Variants in CAMK1D observed in about 807,000 individuals in gnomAD.
CAMK1D encodes calcium/calmodulin-dependent protein kinase type 1D.
Under a neutral mutation model 47.7 loss-of-function variants are expected in CAMK1D, and 9 were observed. The observed-to-expected ratio is 0.19, with a 90% CI of 0.11 to 0.33. The LOEUF is 0.33. Ranked by LOEUF, CAMK1D falls within the 10% of genes least tolerant of loss-of-function variation. The pLI is 1.00. For missense variants in CAMK1D, 291 were observed against 488.7 expected (o/e 0.60, Z 3.81); for synonymous variants, 184 against 184.9 (o/e 0.99, Z 0.04).
chr10:12,439,725 A>G (rs1832730064), intron 1 of CAMK1D, among the ~76,000 whole-genome samples: 1 of 152,254 alleles, frequency 6.6e-6, no homozygotes, highest in African/African-American at 2.4e-5. Context: ...ATAAAATGGG[A>G]AAGACCTTAG....
intron 3 of CAMK1D, among the ~76,000 whole-genome samples, chr10:12,721,180 T>C (rs1834357150): frequency 6.6e-6 from 1 of 152,264 alleles, no homozygotes; most frequent in African/African-American, 2.4e-5. Context: ...CAGAATAGCG[T>C]GGCCGTTAGT....
At chr10:12,455,730 G>A (rs1383002027) in intron 1 of CAMK1D, among the ~76,000 whole-genome samples, 1 of 152,144 alleles carries the variant, frequency 6.6e-6, no homozygotes, top group Non-Finnish European at 1.5e-5. Context: ...CCATGTCTTT[G>A]GTGGATGGAG....
chr10:12,793,014 C>T (rs893810479), intron 6 of CAMK1D, among the ~76,000 whole-genome samples: 5 of 151,818 alleles, frequency 3.3e-5, no homozygotes, highest in South Asian at 2.1e-4. Context: ...ACCATTTTCT[C>T]GGGGGGTGTG....
At chr10:12,673,902 T>A (rs965610444) in intron 3 of CAMK1D, among the ~76,000 whole-genome samples, 3 of 152,214 alleles carry the variant, frequency 2.0e-5, no homozygotes, top group African/African-American at 7.2e-5. Context: ...TTGGCAAGGC[T>A]CAGTGGTTTA....
Position 12,831,669 on chromosome 10 carries a change from G to A in CAMK1D, c.*2782G>A, listed in dbSNP as rs1833421108. On this transcript the variant is annotated 3_prime_UTR_variant, in exon 11 of 11. Transcript: ENST00000619168. ...ACACGCCGGGTCTCAACAACATCGT[G>A]CGAGGAGACAGTGACTGGTTTCAGC... 6.6e-6 allele frequency: 1 copy of A among 152,206 alleles called. No homozygotes were observed. The allele number at this position is 152,206 out of a possible 1,614,324, so 9.4% of individuals were successfully genotyped here.
chr10:12,431,844 A>G (rs981885031), intron 1 of CAMK1D, among the ~76,000 whole-genome samples: 2 of 152,170 alleles, frequency 1.3e-5, no homozygotes, highest in African/African-American at 4.8e-5. Context: ...TCCGCAGAGG[A>G]TTTGAGGATG....
intron 2 of CAMK1D, among the ~76,000 whole-genome samples, chr10:12,606,661 C>T (rs1051494426): frequency 6.6e-6 from 1 of 152,168 alleles, no homozygotes; most frequent in South Asian, 2.1e-4. Flanking sequence ...GGCTCTCATG[C>T]GTTGATCCCT....
At chr10:12,696,215 GA>G (rs1833289924) in intron 3 of CAMK1D, among the ~76,000 whole-genome samples, 1 of 151,926 alleles carries the variant, frequency 6.6e-6, no homozygotes, top group African/African-American at 2.4e-5. Context: ...CCTGGGGTGG[GA>G]AAAAACTTAA....
chr10:12,694,146 ATATAT>A (rs1396526904), intron 3 of CAMK1D, among the ~76,000 whole-genome samples: 195 of 5,506 alleles, frequency 0.035, 52 homozygotes, highest in South Asian at 0.06. Flanking sequence ...ATATAATATA[ATATAT>A]AATATATATT....
At chr10:12,562,574 T>C (rs962302800) in intron 2 of CAMK1D, among the ~76,000 whole-genome samples, 1 of 152,198 alleles carries the variant, frequency 6.6e-6, no homozygotes, top group African/African-American at 2.4e-5. Context: ...TCTACCTCTT[T>C]GGTTTTCATC....
intron 8 of CAMK1D, among the ~76,000 whole-genome samples, chr10:12,824,032 G>T (rs953346238): frequency 9.9e-5 from 15 of 152,078 alleles, no homozygotes; most frequent in Non-Finnish European, 2.9e-5. Context: ...CTGGTGCTGA[G>T]ACCAGTTGGG....
chr10:12,614,566 A>G (rs1838724452), intron 2 of CAMK1D, among the ~76,000 whole-genome samples: 1 of 152,238 alleles, frequency 6.6e-6, no homozygotes, highest in African/African-American at 2.4e-5. Flanking sequence ...TTGAATGGGC[A>G]ATTGAAATAA....
intron 3 of CAMK1D, among the ~76,000 whole-genome samples, chr10:12,688,481 G>A (rs7909538): frequency 0.058 from 8,776 of 152,152 alleles, 747 homozygotes; most frequent in African/African-American, 0.19. Context: ...AAACAGGTCA[G>A]TAGAATTTGG....
rs56063700 is a variant in CAMK1D, at chr10:12,564,147, GTC to G, written c.224+10824_224+10825del. 5.8e-3 allele frequency among the ~76,000 whole-genome samples: 804 copies of G among 139,666 alleles called. 8 individuals are homozygous for G. Among genetic ancestry groups the G allele is most frequent in the African/African-American group, 0.019 (694 of 36,502 alleles). 91.6% of individuals were successfully genotyped at this position (139,666 alleles called of 152,430 possible). ...TCTCTCTCTCTCTCTCTCTCTCTCT[GTC>G]TCTCTCTCTCTCTCTCTCTCTCTCT... On this transcript the variant is annotated intron_variant, in intron 2 of 10. Coordinates refer to ENST00000619168, the MANE Select transcript of CAMK1D (RefSeq NM_153498.4).
At chr10:12,666,670 G>GTC in intron 2 of CAMK1D, 66 bp from the exon 3 acceptor site, 1 of 1,277,812 alleles carries the variant, frequency 7.8e-7, no homozygotes, top group Non-Finnish European at 1.1e-6. Context: ...CTACAATGCT[G>GTC]TCTGTTTTGA....
At chr10:12,486,319 T>C (rs1461812130) in intron 1 of CAMK1D, among the ~76,000 whole-genome samples, 1 of 152,186 alleles carries the variant, frequency 6.6e-6, no homozygotes, top group Admixed American at 6.5e-5. Context: ...CCACCACACC[T>C]GGCTAATTTT....
At chr10:12,454,185 T>C (rs1214851344) in intron 1 of CAMK1D, among the ~76,000 whole-genome samples, 2 of 152,168 alleles carry the variant, frequency 1.3e-5, no homozygotes, top group Non-Finnish European at 2.9e-5. Flanking sequence ...GTTTTCGCGA[T>C]GGAGTCTCGC....
chr10:12,615,673 TTG>T (rs1310931329), intron 2 of CAMK1D, among the ~76,000 whole-genome samples: 2 of 146,544 alleles, frequency 1.4e-5, no homozygotes, highest in African/African-American at 2.7e-5. Context: ...GAAAGTGTAT[TTG>T]TGTATAGGTG....
At chr10:12,741,526 A>G (rs12767152) in intron 3 of CAMK1D, among the ~76,000 whole-genome samples, 9,795 of 152,244 alleles carry the variant, frequency 0.064, 465 homozygotes, top group Non-Finnish European at 0.1. Context: ...AACATCAGAT[A>G]TGTTTTCCCT....
Sources: allele counts gnomAD v4.1 joint callset (sites outside exome capture counted in the v4.1 genomes callset), GRCh38; gene constraint gnomAD v4.1.1; transcripts MANE v1.5; gene names NCBI Gene and HGNC (gene_info 2026-07-23, HGNC 2026-07-21).